CNTNAP2: variants seen among roughly 807,000 people sequenced by gnomAD.
The protein encoded by CNTNAP2 is contactin associated protein 2.
CNTNAP2 carries 98 observed loss-of-function variants against 155.2 expected under a neutral mutation model. The ratio of observed to expected loss-of-function variants is 0.63; its 90% confidence interval spans 0.54 to 0.75. The LOEUF is 0.75. Among genes scored for constraint, CNTNAP2 ranks in the 30% least tolerant of loss-of-function variants. CNTNAP2 has a pLI of 0.00. For synonymous variants in CNTNAP2, 651 were observed against 631.2 expected (o/e 1.03, Z -0.47); for missense variants, 1,727 against 1,688.1 (o/e 1.02, Z -0.40).
intron 15 of CNTNAP2, among the ~76,000 whole-genome samples, chr7:148,017,803 T>C (rs1042539289): frequency 6.6e-6 from 1 of 152,236 alleles, no homozygotes; most frequent in African/African-American, 2.4e-5. Flanking sequence ...AATAATAGCC[T>C]TTTTAACCCT....
chr7:146,246,116 T>A (rs1799645439), intron 1 of CNTNAP2, among the ~76,000 whole-genome samples: 1 of 151,774 alleles, frequency 6.6e-6, no homozygotes, highest in South Asian at 2.1e-4. Flanking sequence ...CAAAGCATGC[T>A]ATGGGATGTG....
chr7:146,288,127 G>A (rs1050427747), intron 1 of CNTNAP2, among the ~76,000 whole-genome samples: 4 of 151,406 alleles, frequency 2.6e-5, no homozygotes, highest in Non-Finnish European at 2.9e-5. Flanking sequence ...TAGGGACCCC[G>A]TCTCTACTAA....
At chr7:147,518,993 T>G (rs1328374953) in intron 11 of CNTNAP2, among the ~76,000 whole-genome samples, 1 of 136,264 alleles carries the variant, frequency 7.3e-6, no homozygotes, top group Admixed American at 8.4e-5. Context: ...ATAGCGCCAC[T>G]GCACTCCAGC....
At chr7:148,101,434 A>G (rs10235595) in intron 15 of CNTNAP2, among the ~76,000 whole-genome samples, 15,065 of 151,356 alleles carry the variant, frequency 0.1, 2,057 homozygotes, top group African/African-American at 0.31. Context: ...TAAGGAGAAA[A>G]CCAAGTGGAT....
chr7:147,525,955 G>A (rs1799310520), intron 11 of CNTNAP2, among the ~76,000 whole-genome samples: 1 of 152,082 alleles, frequency 6.6e-6, no homozygotes, highest in Non-Finnish European at 1.5e-5. Context: ...CACTTCGGAA[G>A]GTTGAGGCAG....
intron 10 of CNTNAP2, among the ~76,000 whole-genome samples, chr7:147,482,491 G>C (rs1396499558): frequency 6.6e-6 from 1 of 152,032 alleles, no homozygotes; most frequent in Non-Finnish European, 1.5e-5. Flanking sequence ...GTCCGAGGCA[G>C]GTGGATCACG....
intron 3 of CNTNAP2, among the ~76,000 whole-genome samples, chr7:146,940,231 G>C (rs1797022265): frequency 6.6e-6 from 1 of 151,688 alleles, no homozygotes; most frequent in Non-Finnish European, 1.5e-5. Context: ...TTTTGAGATG[G>C]AGTCTTGCTC....
chr7:146,296,249 T>A (rs926921289), intron 1 of CNTNAP2, among the ~76,000 whole-genome samples: 2 of 152,112 alleles, frequency 1.3e-5, no homozygotes, highest in Non-Finnish European at 2.9e-5. Flanking sequence ...ATAGTTTCTT[T>A]ATCTCCCCAT....
intron 13 of CNTNAP2, among the ~76,000 whole-genome samples, chr7:147,729,959 G>A (rs1335721111): frequency 6.6e-6 from 1 of 152,076 alleles, no homozygotes; most frequent in Admixed American, 6.6e-5. Flanking sequence ...CTGGATTTAA[G>A]TAGTCAATGA....
At chr7:146,212,618 A>G (rs1799053416) in intron 1 of CNTNAP2, among the ~76,000 whole-genome samples, 1 of 152,232 alleles carries the variant, frequency 6.6e-6, no homozygotes, top group Non-Finnish European at 1.5e-5. Flanking sequence ...CAATTAAGAC[A>G]TCTAATTTTG....
chr7:147,073,921 G>T (rs1050608879), intron 4 of CNTNAP2, among the ~76,000 whole-genome samples: 2 of 152,226 alleles, frequency 1.3e-5, no homozygotes, highest in East Asian at 3.9e-4. Context: ...ATGCAGTGTG[G>T]CATTTCCAAA....
At chr7:147,238,833 G>T (rs1364103240) in intron 8 of CNTNAP2, among the ~76,000 whole-genome samples, 3 of 152,068 alleles carry the variant, frequency 2.0e-5, no homozygotes, top group African/African-American at 7.2e-5. Flanking sequence ...AATAACAATT[G>T]CTATGAAAGC....
chr7:146,512,374 A>G (rs1013790902), intron 1 of CNTNAP2, among the ~76,000 whole-genome samples: 2 of 151,832 alleles, frequency 1.3e-5, no homozygotes, highest in East Asian at 1.9e-4. Context: ...TACATGTATC[A>G]TTAGGCAGCT....
At chr7:147,178,112 A>G (rs1394066102) in intron 8 of CNTNAP2, among the ~76,000 whole-genome samples, 1 of 152,140 alleles carries the variant, frequency 6.6e-6, no homozygotes, top group East Asian at 1.9e-4. Flanking sequence ...GTTGCCTTAC[A>G]TGGCAAAAGG....
At chr7:147,317,448 C>T (rs971415348) in intron 9 of CNTNAP2, among the ~76,000 whole-genome samples, 2 of 152,220 alleles carry the variant, frequency 1.3e-5, no homozygotes, top group African/African-American at 4.8e-5. Context: ...ACCCAGCCTT[C>T]TGCTTCTGTG....
At chr7:148,278,851 A>G (rs187570362) in intron 21 of CNTNAP2, among the ~76,000 whole-genome samples, 1 of 152,368 alleles carries the variant, frequency 6.6e-6, no homozygotes, top group East Asian at 1.9e-4. Flanking sequence ...TGAGAAGGCA[A>G]TATTTAAGCA....
At position 148,394,017 on chromosome 7, in the gene CNTNAP2, A is replaced by AT. The variant is rs577797081; in HGVS notation, c.3715+10138dup. Among the ~76,000 whole-genome samples, 458 of 150,692 alleles carry AT rather than the reference A, an allele frequency of 3.0e-3. 5 individuals carry two copies. The highest frequency in any genetic ancestry group is 1.0e-3 in the South Asian group (5 of 4,764). ...ATCTCAATTTTTTTGAATTTATGGG[A>AT]TTTTTTTTTCCATGTAAAAGTTACT... is the stretch of plus-strand genomic sequence containing the variant. On this transcript the variant is annotated intron_variant, in intron 22 of 23. Transcript: ENST00000361727.
At chr7:148,137,179 T>G (rs887034958) in intron 16 of CNTNAP2, among the ~76,000 whole-genome samples, 5 of 152,216 alleles carry the variant, frequency 3.3e-5, no homozygotes, top group African/African-American at 1.2e-4. Context: ...TTCTATATTT[T>G]TAATGTTCAA....
intron 13 of CNTNAP2, among the ~76,000 whole-genome samples, chr7:147,902,802 G>GTA (rs1799892515): frequency 2.3e-5 from 3 of 130,074 alleles, no homozygotes; most frequent in East Asian, 4.8e-4. Flanking sequence ...GTGTGTGTGT[G>GTA]TGTGTGTGTG....
Sources: gnomAD v4.1 joint callset for allele counts (sites outside exome capture counted in the v4.1 genomes callset) on GRCh38, gnomAD v4.1.1 for gene constraint, MANE v1.5 for transcripts, NCBI Gene and HGNC (gene_info 2026-07-23, HGNC 2026-07-21) for gene names.